The following BRAP variants were observed in gnomAD, a reference collection of about 807,000 sequenced individuals.
BRAP encodes the protein BRCA1-associated protein.
A neutral mutation model predicts 73.4 loss-of-function variants in BRAP; 42 were observed. The observed-to-expected ratio is 0.57, with a 90% CI of 0.45 to 0.74. The LOEUF is 0.74. Ranked by LOEUF, BRAP falls within the 30% of genes least tolerant of loss-of-function variation. The probability of loss-of-function intolerance (pLI) is 0.00; values close to 1 mark genes in which losing one functional copy is unlikely to be tolerated. For synonymous variants in BRAP, 255 were observed against 267.4 expected (o/e 0.95, Z 0.45); for missense variants, 593 against 751.4 (o/e 0.79, Z 2.46).
Position 111,685,531 on chromosome 12 carries a change from G to C in BRAP, c.82+180C>G, listed in dbSNP as rs1285341627. The C allele has an allele frequency of 3.8e-6, 5 of 1,316,212 alleles. No individual in the cohort carries two copies. The East Asian group carries it at 1.2e-4, about 32-fold the overall frequency. The allele number at this position is 1,316,212 out of a possible 1,614,324, so 81.5% of individuals were successfully genotyped here. ...GAGGTTCGGGGCAGGGCTTCCCTGA[G>C]ATAACAAACGGGAAGGCCTCTCAAA... On this transcript the variant is annotated intron_variant, in intron 1 of 11. Transcript: ENST00000419234.
Position 111,665,907 on chromosome 12 carries a change from A to C in BRAP, c.748-120T>G. The C allele has an allele frequency of 1.5e-6, 2 of 1,343,666 alleles. No homozygotes were observed. The highest frequency in any genetic ancestry group is 2.0e-6 in the Non-Finnish European group (2 of 982,838). The allele number at this position is 1,343,666 out of a possible 1,614,324, so 83.2% of individuals were successfully genotyped here. On this transcript the variant is annotated intron_variant, in intron 5 of 11. Coordinates refer to ENST00000419234, the MANE Select transcript of BRAP (RefSeq NM_006768.5). The surrounding 1 kb of genome is among the most constrained non-coding windows in gnomAD (Gnocchi z 4.3). ...ACCCACGCTGGAGCCCAGTGGCGCA[A>C]TCATGGCTCATTACAGCCTTGACCT...
chr12:111,679,590 T>G (rs111770608), intron 3 of BRAP, among the ~76,000 whole-genome samples: 1 of 152,132 alleles, frequency 6.6e-6, no homozygotes, highest in African/African-American at 2.4e-5. Flanking sequence ...AATCTGTCAC[T>G]GGTGGCCAGG....
chr12:111,652,960 T>C (rs537504980), intron 10 of BRAP, among the ~76,000 whole-genome samples: 91 of 152,280 alleles, frequency 6.0e-4, no homozygotes, highest in African/African-American at 2.2e-3. Flanking sequence ...CCGCCCGCCT[T>C]GGTCTCCCAA....
At chr12:111,678,229 A>G (rs1183546733) in intron 4 of BRAP, among the ~76,000 whole-genome samples, 53 of 150,204 alleles carry the variant, frequency 3.5e-4, no homozygotes, top group African/African-American at 1.2e-3. Flanking sequence ...AGCCTGGGCA[A>G]CAAGAGTGAA....
chr12:111,667,886 C>T (rs1245733932), intron 5 of BRAP, among the ~76,000 whole-genome samples: 1 of 151,810 alleles, frequency 6.6e-6, no homozygotes, highest in African/African-American at 2.4e-5. Flanking sequence ...AACATGTATA[C>T]ATTTAAAATC....
At chr12:111,672,066 C>T (rs746509021) in intron 5 of BRAP, among the ~76,000 whole-genome samples, 7 of 151,990 alleles carry the variant, frequency 4.6e-5, no homozygotes, top group Non-Finnish European at 5.9e-5. Flanking sequence ...ATTAGCCAGG[C>T]GTGGTGGTAC....
intron 4 of BRAP, among the ~76,000 whole-genome samples, chr12:111,678,081 C>T (rs554519696): frequency 1.3e-5 from 2 of 151,060 alleles, no homozygotes; most frequent in East Asian, 4.0e-4. Flanking sequence ...GGAGAAACTC[C>T]GCCTCTACTG....
At chr12:111,650,715 G>C (rs1886285803) in intron 10 of BRAP, among the ~76,000 whole-genome samples, 2 of 152,148 alleles carry the variant, frequency 1.3e-5, no homozygotes, top group South Asian at 4.1e-4. Context: ...TTTTTGTGGA[G>C]ACAAACATTG....
chr12:111,676,245 T>A (rs1042417586), intron 4 of BRAP, among the ~76,000 whole-genome samples: 1 of 152,124 alleles, frequency 6.6e-6, no homozygotes, highest in Middle Eastern at 3.2e-3. Context: ...AAGAGAAGGC[T>A]TATAAGTCCT....
rs538210220 is a variant in BRAP at position 111,645,862 on chromosome 12, C to T, written c.1416-1300G>A. Among the ~76,000 whole-genome samples, 39 of 152,196 alleles carry T rather than the reference C, an allele frequency of 2.6e-4. No homozygotes were observed. In the South Asian group the frequency reaches 7.0e-3, roughly 28 times the overall value. On this transcript the variant is annotated intron_variant, in intron 11 of 11. Coordinates refer to ENST00000419234, the MANE Select transcript of BRAP (RefSeq NM_006768.5). ...AAACTTAGCCAGGTGCAGTGGCGTG[C>T]ACCTGTGGTCCCAGATTTACAGGAG...
chr12:111,682,628 G>A (rs1887648471), intron 2 of BRAP, among the ~76,000 whole-genome samples: 2 of 151,714 alleles, frequency 1.3e-5, no homozygotes, highest in Non-Finnish European at 1.5e-5. Context: ...ATTCTCCCTG[G>A]TAGCCGGGTG....
chr12:111,683,437 T>C (rs1405442083), intron 1 of BRAP, 130 bp from the exon 2 acceptor site: 3 of 1,026,886 alleles, frequency 2.9e-6, no homozygotes, highest in Non-Finnish European at 4.2e-6. Flanking sequence ...CTTTGTAGTA[T>C]CCATCTCACT....
chr12:111,673,095 T>C (rs1235661814), intron 4 of BRAP: 10 of 257,628 alleles, frequency 3.9e-5, no homozygotes, highest in Non-Finnish European at 7.3e-5. Context: ...TTTCCCTTAA[T>C]AGCAGTTTTT....
chr12:111,665,228 TCAA>T lies in BRAP; in HGVS notation c.896+408_896+410del, dbSNP rs1312065886. Among the ~76,000 whole-genome samples the T allele has an allele frequency of 1.3e-5, 2 of 152,176 alleles. No homozygotes were observed. The highest frequency in any genetic ancestry group is 4.8e-5 in the African/African-American group (2 of 41,450). On this transcript the variant is annotated intron_variant, in intron 6 of 11. Coordinates refer to ENST00000419234, the MANE Select transcript of BRAP (RefSeq NM_006768.5). The surrounding 1 kb of genome is among the most constrained non-coding windows in gnomAD (Gnocchi z 4.3). Reference sequence around the variant, plus strand: ...GCTATTTCTACTGGCCACCAAGCCATCAACAGCCCAGCAAAGCTAAAATATTAG... The same window carrying T: ...GCTATTTCTACTGGCCACCAAGCCATCAGCCCAGCAAAGCTAAAATATTAG...
At chr12:111,664,565 G>C (rs112938247) in intron 6 of BRAP, among the ~76,000 whole-genome samples, 11 of 152,362 alleles carry the variant, frequency 7.2e-5, no homozygotes, top group African/African-American at 2.6e-4. Flanking sequence ...AAGCAGGGCA[G>C]TGATAAGCTG....
chr12:111,647,600 A>G (rs1432110478), intron 11 of BRAP, among the ~76,000 whole-genome samples: 1 of 152,136 alleles, frequency 6.6e-6, no homozygotes, highest in Non-Finnish European at 1.5e-5. Context: ...ATGGTAAAAC[A>G]GTCTCTGCAA....
chr12:111,672,577 C>G, intron 5 of BRAP, 84 bp downstream of exon 5: 2 of 1,229,162 alleles, frequency 1.6e-6, no homozygotes. Context: ...CTGGCCTATT[C>G]TGGGTATTTC....
At chr12:111,660,802 A>T (rs1324068675) in intron 6 of BRAP, 127 bp from the exon 7 acceptor site, 1 of 601,626 alleles carries the variant, frequency 1.7e-6, no homozygotes, top group African/African-American at 1.9e-5. Flanking sequence ...ATAACTAAGG[A>T]TATCACTTAA....
chr12:111,681,552 C>T (rs1887599748), intron 3 of BRAP, 85 bp downstream of exon 3: 1 of 1,141,142 alleles, frequency 8.8e-7, no homozygotes, highest in Non-Finnish European at 1.2e-6. Flanking sequence ...ACCCACTTTC[C>T]TTCAGGACAA....
Sources: gnomAD v4.1 joint callset for allele counts (sites outside exome capture counted in the v4.1 genomes callset) on GRCh38, gnomAD v4.1.1 for gene constraint, Gnocchi (gnomAD v3.1) non-coding constraint, MANE v1.5 for transcripts, NCBI Gene and HGNC (gene_info 2026-07-23, HGNC 2026-07-21) for gene names.